Variants in CACNA2D1 observed in about 807,000 individuals in gnomAD.
The protein encoded by CACNA2D1 is voltage-dependent calcium channel subunit alpha-2/delta-1.
Under a neutral mutation model 171.5 loss-of-function variants are expected in CACNA2D1, and 53 were observed. The observed-to-expected ratio is 0.31, with a 90% CI of 0.25 to 0.39. The LOEUF is 0.39. CACNA2D1 is among the 10% of genes least tolerant of loss of function. The pLI is 1.00. For missense variants in CACNA2D1, 903 were observed against 1,299.8 expected, an observed-to-expected ratio of 0.69 and a Z score of 4.69; for synonymous variants, 442 against 443.1, an observed-to-expected ratio of 1.00 and a Z score of 0.03.
rs375141743 is a variant in CACNA2D1, at chr7:82,005,511, A to G, written c.1516-14T>C. On this transcript the variant is annotated splice_polypyrimidine_tract_variant and intron_variant, in intron 17 of 38. Coordinates refer to ENST00000356860, the MANE Select transcript of CACNA2D1 (RefSeq NM_000722.4). ...ATTGGGGCACAGCTGGAAAAGAAAA[A>G]AAAAAAAAAGCTTGGATATGCCTGA... The G allele has an allele frequency of 1.7e-4, 257 of 1,549,858 alleles. No individual in the cohort carries two copies. Among genetic ancestry groups the G allele is most frequent in the African/African-American group, 3.3e-4 (24 of 73,052 alleles).
At chr7:81,990,327 CTTTTA>C (rs1052974397) in intron 21 of CACNA2D1, among the ~76,000 whole-genome samples, 8 of 151,996 alleles carry the variant, frequency 5.3e-5, no homozygotes, top group African/African-American at 1.7e-4. Context: ...TATGTTTTTT[CTTTTA>C]AAGTTTATTT....
At chr7:82,083,678 C>A (rs1385108150) in intron 7 of CACNA2D1, among the ~76,000 whole-genome samples, 2 of 151,952 alleles carry the variant, frequency 1.3e-5, no homozygotes, top group Non-Finnish European at 2.9e-5. Context: ...GTGTGTTGGA[C>A]TTATGCGGAA....
At chr7:82,332,554 G>GAAAGA (rs1817481538) in intron 3 of CACNA2D1, among the ~76,000 whole-genome samples, 1 of 143,092 alleles carries the variant, frequency 7.0e-6, no homozygotes, top group Non-Finnish European at 1.6e-5. Flanking sequence ...AAGAAAGAAA[G>GAAAGA]AAAGAAAGAA....
At chr7:82,244,345 C>T (rs1426919188) in intron 3 of CACNA2D1, among the ~76,000 whole-genome samples, 1 of 152,022 alleles carries the variant, frequency 6.6e-6, no homozygotes, top group East Asian at 1.9e-4. Flanking sequence ...TTTCTATAAT[C>T]CCATAAGACA....
intron 3 of CACNA2D1, among the ~76,000 whole-genome samples, chr7:82,277,745 C>CTTT (rs1186719410): frequency 0.013 from 1,820 of 141,980 alleles, 82 homozygotes; most frequent in Middle Eastern, 0.055. Flanking sequence ...TAATTTTTTA[C>CTTT]TTTTATTTTT....
At chr7:82,158,114 A>G (rs1794557167) in intron 4 of CACNA2D1, among the ~76,000 whole-genome samples, 1 of 152,022 alleles carries the variant, frequency 6.6e-6, no homozygotes, top group African/African-American at 2.4e-5. Context: ...CTGGATATTT[A>G]TCAGAATGAA....
At chr7:82,121,161 C>T (rs1029149323) in intron 5 of CACNA2D1, among the ~76,000 whole-genome samples, 1 of 152,096 alleles carries the variant, frequency 6.6e-6, no homozygotes, top group African/African-American at 2.4e-5. Context: ...CAACCTCCTA[C>T]CTACCTCAGC....
intron 3 of CACNA2D1, among the ~76,000 whole-genome samples, chr7:82,263,522 C>T (rs575165571): frequency 9.9e-5 from 15 of 152,170 alleles, no homozygotes; most frequent in South Asian, 6.2e-4. Flanking sequence ...CATACCTCTG[C>T]CCCTATAACC....
At chr7:82,357,861 T>TAAAA (rs58172656) in intron 1 of CACNA2D1, among the ~76,000 whole-genome samples, 1 of 118,240 alleles carries the variant, frequency 8.5e-6, no homozygotes, top group Non-Finnish European at 1.8e-5. Flanking sequence ...TAAAGTATAA[T>TAAAA]AAAAAAAAAA....
At chr7:81,972,869 A>G (rs1795433497) in intron 25 of CACNA2D1, among the ~76,000 whole-genome samples, 1 of 152,004 alleles carries the variant, frequency 6.6e-6, no homozygotes, top group African/African-American at 2.4e-5. Flanking sequence ...TTAAGTTAAT[A>G]TATCTTACAC....
intron 3 of CACNA2D1, among the ~76,000 whole-genome samples, chr7:82,237,710 A>G (rs1466591485): frequency 3.9e-5 from 6 of 152,102 alleles, no homozygotes; most frequent in East Asian, 1.9e-4. Flanking sequence ...GCTATAACCT[A>G]TAAGTAACTT....
At chr7:82,382,691 C>T (rs1383192073) in intron 1 of CACNA2D1, among the ~76,000 whole-genome samples, 1 of 152,162 alleles carries the variant, frequency 6.6e-6, no homozygotes, top group Non-Finnish European at 1.5e-5. Flanking sequence ...CCACCTCCTC[C>T]ATAATGCGCT....
Position 82,228,475 on chromosome 7 carries a change from A to G in CACNA2D1, c.295-57866T>C, listed in dbSNP as rs139031954. On this transcript the variant is annotated intron_variant, in intron 3 of 38. Transcript: ENST00000356860. ...GTTATACATCATGGAAATGCATGGT[A>G]ATTCAATCCAAGGTTAGATCACCTT... 4.8e-3 allele frequency among the ~76,000 whole-genome samples: 733 copies of G among 152,272 alleles called. 4 individuals carry two copies. Among genetic ancestry groups the G allele is most frequent in the African/African-American group, 0.017 (687 of 41,570 alleles).
intron 4 of CACNA2D1, among the ~76,000 whole-genome samples, chr7:82,168,733 C>T (rs1479968958): frequency 6.6e-6 from 1 of 152,056 alleles, no homozygotes; most frequent in African/African-American, 2.4e-5. Context: ...GGCATTACTA[C>T]AACCCTACTT....
intron 15 of CACNA2D1, among the ~76,000 whole-genome samples, chr7:82,010,147 T>C (rs1027942683): frequency 2.0e-5 from 3 of 152,144 alleles, no homozygotes; most frequent in Non-Finnish European, 4.4e-5. Context: ...TGGCTTCATT[T>C]TGAAGTCAGA....
intron 24 of CACNA2D1, among the ~76,000 whole-genome samples, chr7:81,978,396 C>T (rs151067467): frequency 1.3e-5 from 2 of 152,190 alleles, no homozygotes; most frequent in Admixed American, 6.5e-5. Context: ...CCATGGAATA[C>T]TATGCAGCCA....
intron 1 of CACNA2D1, among the ~76,000 whole-genome samples, chr7:82,412,407 C>T (rs540271639): frequency 4.0e-5 from 6 of 151,836 alleles, no homozygotes; most frequent in East Asian, 2.0e-4. Flanking sequence ...TTCAGACTCC[C>T]GAGTAGCTGA....
At chr7:82,393,396 C>T (rs550130547) in intron 1 of CACNA2D1, among the ~76,000 whole-genome samples, 2 of 152,156 alleles carry the variant, frequency 1.3e-5, no homozygotes, top group East Asian at 3.9e-4. Flanking sequence ...AGTTATGCAA[C>T]AGCTCAAATA....
chr7:82,041,269 G>C (rs1231387650), intron 10 of CACNA2D1, among the ~76,000 whole-genome samples: 1 of 152,022 alleles, frequency 6.6e-6, no homozygotes, highest in South Asian at 2.1e-4. Flanking sequence ...AAATAGAAGA[G>C]AGGTAAAAAA....
Sources: allele counts gnomAD v4.1 joint callset (sites outside exome capture counted in the v4.1 genomes callset), GRCh38; gene constraint gnomAD v4.1.1; transcripts MANE v1.5; gene names NCBI Gene and HGNC (gene_info 2026-07-23, HGNC 2026-07-21).